The following MYO1E variants were observed in gnomAD, a reference collection of about 807,000 sequenced individuals.
MYO1E encodes myosin IE, also known as unconventional myosin-Ie.
In MYO1E, 68 loss-of-function variants were observed where a neutral mutation model predicts 151.1. The observed-to-expected ratio is 0.45, with a 90% confidence interval of 0.37 to 0.55. MYO1E has a LOEUF of 0.55. Among genes scored for constraint, MYO1E ranks in the 20% least tolerant of loss-of-function variants. MYO1E has a pLI of 0.00. For missense variants in MYO1E, 1,363 were observed against 1,389.3 expected (o/e 0.98, Z 0.30); for synonymous variants, 601 against 501.7 (o/e 1.20, Z -2.64).
rs371916481 is a variant in MYO1E, at chr15:59,157,063, G to C, written c.2878+1224C>G. On this transcript the variant is annotated intron_variant, in intron 25 of 27. Coordinates refer to ENST00000288235, the MANE Select transcript of MYO1E (RefSeq NM_004998.4). ...CACAGTGAGACTCCGTGTCTACAAA[G>C]AGTAAAAAAAAAAAGAGCCAGGTGT... Among the ~76,000 whole-genome samples, 7 of 150,084 alleles carry C rather than the reference G, an allele frequency of 4.7e-5. No homozygotes were observed. The East Asian group carries it at 7.9e-4, about 17-fold the overall frequency.
chr15:59,337,039 C>G (rs1481898933), intron 1 of MYO1E, among the ~76,000 whole-genome samples: 1 of 149,566 alleles, frequency 6.7e-6, no homozygotes, highest in Admixed American at 6.6e-5. Context: ...AAAAAAAAAT[C>G]TATGCTTATA....
rs1290081013 is a variant in MYO1E, at chr15:59,177,840, C to T, written c.2049+553G>A. Among the ~76,000 whole-genome samples the T allele has an allele frequency of 2.0e-5, 3 of 152,144 alleles. No homozygotes were observed. In the East Asian group the frequency reaches 5.8e-4, roughly 29 times the overall value. ...GAGATTTCTCCTCCCACCTATTTTC[C>T]CCCTCACAGTCCTTTCTAGGCTCCC... On this transcript the variant is annotated intron_variant, in intron 19 of 27. Coordinates refer to ENST00000288235, the MANE Select transcript of MYO1E (RefSeq NM_004998.4).
At chr15:59,231,469 G>A (rs1334878734) in intron 6 of MYO1E, among the ~76,000 whole-genome samples, 4 of 152,154 alleles carry the variant, frequency 2.6e-5, no homozygotes, top group Non-Finnish European at 5.9e-5. Context: ...CCTTAGTAAG[G>A]CAACTGATGT....
chr15:59,240,578 T>G (rs186582821), intron 4 of MYO1E, among the ~76,000 whole-genome samples: 19 of 152,358 alleles, frequency 1.2e-4, no homozygotes, highest in African/African-American at 4.6e-4. Context: ...ATTCAGCAAA[T>G]GTAAAAATAT....
In MYO1E at chr15:59,214,235, G is replaced by C; in HGVS notation, c.1268C>G (p.Ala423Gly). 6.2e-7 allele frequency: 1 copy of C among 1,610,894 alleles called. No individual in the cohort carries two copies. Among genetic ancestry groups the C allele is most frequent in the Non-Finnish European group, 8.5e-7 (1 of 1,177,538 alleles). The change falls in exon 12 of 28, where the codon GCA becomes GGA. Residue 423 changes from alanine (A) to glycine (G), a missense_variant. By Grantham distance (60) the Ala-to-Gly change is moderately conservative. Coordinates refer to ENST00000288235, the MANE Select transcript of MYO1E (RefSeq NM_004998.4). ...GGAAGAGGGACTGCTTACCTGTTCT[G>C]CCTTTAATGTCAGTTCAATAAAAAT... The part of the protein sequence containing the change: ...QQIFIELTLK[A>G]EQEEYVQEGI...
chr15:59,203,672 C>T (rs971178408), intron 15 of MYO1E, among the ~76,000 whole-genome samples: 1 of 152,184 alleles, frequency 6.6e-6, no homozygotes, highest in Non-Finnish European at 1.5e-5. Context: ...CTGCACCCAG[C>T]CTGAAGATAC....
chr15:59,150,552 C>T lies in MYO1E; in HGVS notation c.3080+3038G>A, dbSNP rs547354903. 8.0e-4 allele frequency among the ~76,000 whole-genome samples: 122 copies of T among 152,308 alleles called. 1 individual carries two copies. Among genetic ancestry groups the T allele is most frequent in the African/African-American group, 2.9e-3 (119 of 41,558 alleles). ...GAGATTTGGTGCATTCTGTTGACTG[C>T]TTTTAATACCCTGCCTACTTTGAGG... is the stretch of plus-strand genomic sequence containing the variant. On this transcript the variant is annotated intron_variant, in intron 26 of 27. Transcript: ENST00000288235.
In MYO1E at chr15:59,153,785, T is replaced by C. The variant is rs1192305730; in HGVS notation, c.2885A>G (p.His962Arg). Residue 962 changes from histidine (H) to arginine (R), a missense_variant, in exon 26 of 28, where the codon CAT becomes CGT. Physicochemically the swap from His to Arg is conservative, Grantham distance 29. Coordinates refer to ENST00000288235, the MANE Select transcript of MYO1E (RefSeq NM_004998.4). ...VRAAPPPPGY[H>R]QNGVIRNQYV... is the part of the protein sequence containing the mutation. ...CTGGTTTCTGATGACTCCGTTCTGA[T>C]GGTATCCTAGAGAGAGGAACAGAGA... The C allele has an allele frequency of 8.1e-6, 13 of 1,613,024 alleles. No homozygotes were observed. The highest frequency in any genetic ancestry group is 1.7e-5 in the Admixed American group (1 of 59,992).
chr15:59,335,467 T>G (rs1317353862), intron 1 of MYO1E, among the ~76,000 whole-genome samples: 1 of 152,172 alleles, frequency 6.6e-6, no homozygotes, highest in Non-Finnish European at 1.5e-5. Flanking sequence ...GGAGAGCATG[T>G]TTTCTGCATC....
At chr15:59,372,362 C>G (rs569547288) in intron 1 of MYO1E, 136 bp downstream of exon 1, 5 of 1,084,688 alleles carry the variant, frequency 4.6e-6, no homozygotes, top group East Asian at 2.6e-5. Flanking sequence ...GAAATCAGAG[C>G]TCGCGACGTG....
chr15:59,178,582 G>A (rs368865401), intron 18 of MYO1E, 45 bp from the exon 19 acceptor site: 28 of 1,603,222 alleles, frequency 1.7e-5, no homozygotes, highest in African/African-American at 1.1e-4. Flanking sequence ...GGGCGGGACC[G>A]CACTGGTTTT....
intron 26 of MYO1E, among the ~76,000 whole-genome samples, chr15:59,141,599 G>T (rs2079409587): frequency 6.6e-6 from 1 of 152,080 alleles, no homozygotes; most frequent in Non-Finnish European, 1.5e-5. Flanking sequence ...AGGAGTTCGA[G>T]ACCAGCCTGG....
intron 1 of MYO1E, among the ~76,000 whole-genome samples, chr15:59,338,599 G>A (rs2080744435): frequency 6.6e-6 from 1 of 152,138 alleles, no homozygotes; most frequent in African/African-American, 2.4e-5. Context: ...GAGTATTGGG[G>A]CTGGTCTCCA....
At chr15:59,239,230 T>G (rs879737789) in intron 4 of MYO1E, among the ~76,000 whole-genome samples, 8 of 99,824 alleles carry the variant, frequency 8.0e-5, no homozygotes, top group African/African-American at 2.4e-4. Context: ...ATATATTTTT[T>G]TTATTTTTTA....
At chr15:59,345,253 GAA>G (rs150781612) in intron 1 of MYO1E, among the ~76,000 whole-genome samples, 17 of 139,642 alleles carry the variant, frequency 1.2e-4, no homozygotes, top group African/African-American at 3.9e-4. Context: ...GAGAGAGAGA[GAA>G]AAAAAAAAAA....
rs1243465949 is a variant in MYO1E, at chr15:59,137,149, T to G, written c.*231A>C. The stretch of plus-strand genomic sequence containing the variant: ...AAATAAATCTTAATGCATGGTGGTT[T>G]TGTCCTCCTGGGTTCCTATGAAGAG... On this transcript the variant is annotated 3_prime_UTR_variant, in exon 28 of 28. Transcript: ENST00000288235. 4 of 571,394 alleles carry G rather than the reference T, an allele frequency of 7.0e-6. No individual in the cohort carries two copies. In the African/African-American group the frequency reaches 7.5e-5, roughly 11 times the overall value. The allele number at this position is 571,394 out of a possible 1,614,324, so 35.4% of individuals were successfully genotyped here. A position where few individuals can be genotyped will look rare whatever the true frequency, so the allele number is the denominator to read the frequency against.
intron 18 of MYO1E, among the ~76,000 whole-genome samples, chr15:59,187,504 A>G (rs546526460): frequency 2.6e-4 from 40 of 152,370 alleles, no homozygotes; most frequent in African/African-American, 9.4e-4. Flanking sequence ...TGGTGCAGCC[A>G]CTTCAGAAAA....
intron 6 of MYO1E, among the ~76,000 whole-genome samples, chr15:59,228,196 T>C (rs2080003484): frequency 6.6e-6 from 1 of 152,120 alleles, no homozygotes; most frequent in South Asian, 2.1e-4. Context: ...ATATTAATTA[T>C]ATATAGCCAG....
chr15:59,248,175 G>C (rs1261382222), intron 4 of MYO1E, among the ~76,000 whole-genome samples: 4 of 147,040 alleles, frequency 2.7e-5, no homozygotes, highest in South Asian at 4.3e-4. Context: ...TGAACACAAG[G>C]CATGGTAGAT....
Sources: allele counts gnomAD v4.1 joint callset (sites outside exome capture counted in the v4.1 genomes callset), GRCh38; gene constraint gnomAD v4.1.1; transcripts MANE v1.5; gene names NCBI Gene and HGNC (gene_info 2026-07-23, HGNC 2026-07-21).